Variants in CELSR1 observed in about 807,000 individuals in gnomAD.
CELSR1 encodes the protein adhesion G protein-coupled receptor C1.
A neutral mutation model predicts 249.1 loss-of-function variants in CELSR1; 110 were observed. That is an observed-to-expected ratio of 0.44 (90% CI 0.38 to 0.52). The LOEUF (loss-of-function observed/expected upper bound fraction) is 0.52. CELSR1 is among the 20% of genes least tolerant of loss of function. CELSR1 has a pLI of 0.00. For synonymous variants in CELSR1, 2,113 were observed against 1,900.0 expected, an observed-to-expected ratio of 1.11 and a Z score of -2.92; for missense variants, 4,109 against 4,296.4, an observed-to-expected ratio of 0.96 and a Z score of 1.22.
intron 1 of CELSR1, among the ~76,000 whole-genome samples, chr22:46,476,711 T>C (rs1347729616): frequency 4.6e-5 from 7 of 151,912 alleles, no homozygotes; most frequent in Non-Finnish European, 2.9e-5. Context: ...CATGATTTCA[T>C]TGATATGAAA....
chr22:46,367,214 A>G lies in CELSR1; in HGVS notation c.8080-96T>C, dbSNP rs531917058. 1.8e-5 allele frequency: 27 copies of G among 1,465,866 alleles called. No homozygotes were observed. The African/African-American group carries it at 3.5e-4, about 19-fold the overall frequency. 90.8% of individuals were successfully genotyped at this position (1,465,866 alleles called of 1,614,324 possible). ...CAGATGCGCATACAGCCTTGAGTGC[A>G]CACAACATGTCCGGCCACACGGCCC... On this transcript the variant is annotated intron_variant, in intron 28 of 34. Transcript: ENST00000674500.
In CELSR1 at chr22:46,369,821, G is replaced by A. The variant is rs2078831139; in HGVS notation, c.7760-17C>T. ...CCGCCAGTCCTGAACACAGCGGGGA[G>A]GAAGGGAAGGGTGAGGGCCACGTGC... On this transcript the variant is annotated splice_polypyrimidine_tract_variant and intron_variant, in intron 25 of 34. Transcript: ENST00000674500. 1.2e-6 allele frequency: 2 copies of A among 1,609,596 alleles called. No individual in the cohort carries two copies. The highest frequency in any genetic ancestry group is 1.7e-6 in the Non-Finnish European group (2 of 1,177,386).
In CELSR1 at chr22:46,536,851, GC is replaced by G; in HGVS notation, c.319del (p.Ala107ArgfsTer137). 8.1e-7 allele frequency: 1 copy of G among 1,232,002 alleles called. No homozygotes were observed. The highest frequency in any genetic ancestry group is 1.0e-6 in the Non-Finnish European group (1 of 983,184). 76.3% of individuals were successfully genotyped at this position (1,232,002 alleles called of 1,614,324 possible). A position where few individuals can be genotyped will look rare whatever the true frequency, so the allele number is the denominator to read the frequency against. On this transcript the variant is annotated frameshift_variant, in exon 1 of 35. Coordinates refer to ENST00000674500, the MANE Select transcript of CELSR1 (RefSeq NM_001378328.1). LOFTEE classifies it high-confidence loss of function. ...APTALSRRLRARTHLPGCGAR... is the reference protein window; with the variant it reads ...APTALSRRLRXRTHLPGCGAR... ...TCCGCAGCCGGGAAGGTGCGTGCGC[GC>G]CCGCAGGCGGCGGCTCAGCGCCGTC... is the stretch of plus-strand genomic sequence containing the variant.
chr22:46,471,059 A>T lies in CELSR1; in HGVS notation c.3545-6714T>A, dbSNP rs1426960966. ...AGAATCGCTTGAACCTGGGAGTCGG[A>T]GGTTGCAGTGAGCCAAGATGGCACC... is the stretch of plus-strand genomic sequence containing the variant. On this transcript the variant is annotated intron_variant, in intron 1 of 34. Coordinates refer to ENST00000674500, the MANE Select transcript of CELSR1 (RefSeq NM_001378328.1). The surrounding 1 kb of genome is among the most constrained non-coding windows in gnomAD (Gnocchi z 4.9). Among the ~76,000 whole-genome samples, 2 of 152,056 alleles carry T rather than the reference A, an allele frequency of 1.3e-5. No individual in the cohort carries two copies. Among genetic ancestry groups the T allele is most frequent in the Non-Finnish European group, 1.5e-5 (1 of 68,016 alleles).
chr22:46,369,733 G>C lies in CELSR1; in HGVS notation c.7831C>G (p.Leu2611Val). The C allele has an allele frequency of 6.2e-7, 1 of 1,613,462 alleles. No homozygotes were observed. The change falls in exon 26 of 35, where the codon CTG (leucine) becomes GTG (valine). Residue 2611 changes from leucine (L) to valine (V), a missense_variant. Around this residue, in one of 7 missense-constraint regions of CELSR1, gnomAD observed 1,805 missense variants for 1,831.6 expected, o/e 0.99. Coordinates refer to ENST00000674500, the MANE Select transcript of CELSR1 (RefSeq NM_001378328.1). Reference protein sequence around the residue: ...DFCWLSLQDTLIWSFAGPIGA... With the variant: ...DFCWLSLQDTVIWSFAGPIGA... ...ATGGGCCCCGCAAAGCTCCAAATCA[G>C]GGTGTCTTGAAGCGACAGCCAGCAG...
rs1295716402 is a variant in CELSR1, at chr22:46,410,804, A to T, written c.4770-243T>A. Among the ~76,000 whole-genome samples the T allele has an allele frequency of 1.3e-5, 2 of 152,044 alleles. No individual in the cohort carries two copies. Among genetic ancestry groups the T allele is most frequent in the Admixed American group, 6.5e-5 (1 of 15,270 alleles). On this transcript the variant is annotated intron_variant, in intron 6 of 34. Coordinates refer to ENST00000674500, the MANE Select transcript of CELSR1 (RefSeq NM_001378328.1). This position sits in a 1 kb window ranked among gnomAD's most constrained non-coding sequence, Gnocchi z 6.8. ...TGTTTCACGCTCACCAGTGACCACC[A>T]AGCCCCGCCCACCCAGGCTGGTCCA...
In CELSR1 at chr22:46,484,993, A is replaced by C. The variant is rs1195091503; in HGVS notation, c.3545-20648T>G. On this transcript the variant is annotated intron_variant, in intron 1 of 34. Coordinates refer to ENST00000674500, the MANE Select transcript of CELSR1 (RefSeq NM_001378328.1). The surrounding 1 kb of genome is among the most constrained non-coding windows in gnomAD (Gnocchi z 4.5). Reference sequence around the variant, plus strand: ...ATTTGCTGAGAAAATTCCAGTCCTAAATTTCAAGAGACTGATTCAGCATGA... The same window carrying C: ...ATTTGCTGAGAAAATTCCAGTCCTACATTTCAAGAGACTGATTCAGCATGA... Among the ~76,000 whole-genome samples, 1 of 151,916 alleles carries C rather than the reference A, an allele frequency of 6.6e-6. No individual in the cohort carries two copies. Among genetic ancestry groups the C allele is most frequent in the Non-Finnish European group, 1.5e-5 (1 of 68,020 alleles).
intron 2 of CELSR1, among the ~76,000 whole-genome samples, chr22:46,461,922 A>G (rs538272876): frequency 1.6e-4 from 24 of 152,324 alleles, no homozygotes; most frequent in Admixed American, 1.6e-3. Context: ...GAGGCAGAGC[A>G]GCCCACTCAA....
rs980656398 is a variant in CELSR1, at chr22:46,429,406, G to A, written c.4611+3987C>T. Among the ~76,000 whole-genome samples, 2 of 152,276 alleles carry A rather than the reference G, an allele frequency of 1.3e-5. No homozygotes were observed. Among genetic ancestry groups the A allele is most frequent in the South Asian group, 2.1e-4 (1 of 4,830 alleles). ...AGCAACGACTGAAAATGCTCCACTC[G>A]GCCCCAAACCTCCCGGCGTGGCTGT... On this transcript the variant is annotated intron_variant, in intron 5 of 34. Transcript: ENST00000674500. This position sits in a 1 kb window ranked among gnomAD's most constrained non-coding sequence, Gnocchi z 4.1.
chr22:46,485,200 AT>A (rs1259509640), intron 1 of CELSR1, among the ~76,000 whole-genome samples: 7 of 151,988 alleles, frequency 4.6e-5, no homozygotes, highest in African/African-American at 7.3e-5. Context: ...GAGTATTTTA[AT>A]TTATTTCTTT....
At chr22:46,492,785 C>A (rs1444611211) in intron 1 of CELSR1, among the ~76,000 whole-genome samples, 1 of 151,856 alleles carries the variant, frequency 6.6e-6, no homozygotes, top group Non-Finnish European at 1.5e-5. Flanking sequence ...GTAGAGGTTG[C>A]CAACAGTGAG....
At chr22:46,497,113 A>T (rs1443183001) in intron 1 of CELSR1, among the ~76,000 whole-genome samples, 2 of 152,218 alleles carry the variant, frequency 1.3e-5, no homozygotes, top group African/African-American at 4.8e-5. Context: ...AGGAGGCAGT[A>T]AGAATTTTTC....
chr22:46,507,886 A>C (rs147820359), intron 1 of CELSR1, among the ~76,000 whole-genome samples: 1,578 of 152,090 alleles, frequency 0.01, 27 homozygotes, highest in African/African-American at 0.036. Context: ...TGGAGAAAGG[A>C]CATGGCTACC....
chr22:46,448,131 C>T lies in CELSR1; in HGVS notation c.4184-8720G>A, dbSNP rs1214331122. Among the ~76,000 whole-genome samples the T allele has an allele frequency of 1.3e-5, 2 of 152,226 alleles. No individual in the cohort carries two copies. Among genetic ancestry groups the T allele is most frequent in the East Asian group, 3.8e-4 (2 of 5,206 alleles). On this transcript the variant is annotated intron_variant, in intron 2 of 34. Transcript: ENST00000674500. The surrounding 1 kb of genome is among the most constrained non-coding windows in gnomAD (Gnocchi z 5.7). ...GAAAAGCCCTGGCTTCACAGGGCTT[C>T]AGCAAACGGCTTACCTGCTGCAGGC... is the stretch of plus-strand genomic sequence containing the variant.
Position 46,361,445 on chromosome 22 carries a change from G to C in CELSR1, c.*1778C>G, listed in dbSNP as rs1253548422. The C allele has an allele frequency of 2.0e-5, 3 of 146,456 alleles. No homozygotes were observed. The highest frequency in any genetic ancestry group is 8.3e-5 in the African/African-American group (3 of 36,060). The allele number at this position is 146,456 out of a possible 1,614,324, so 9.1% of individuals were successfully genotyped here. A position where few individuals can be genotyped will look rare whatever the true frequency, so the allele number is the denominator to read the frequency against. ...ATAGAACAAAAAAATTACACCTCAG[G>C]GGGCAGAATCCTGTTAAAGTCATGA... On this transcript the variant is annotated 3_prime_UTR_variant, in exon 35 of 35. Transcript: ENST00000674500.
chr22:46,437,119 C>G lies in CELSR1; in HGVS notation c.4407-830G>C, dbSNP rs923943927. Among the ~76,000 whole-genome samples the G allele has an allele frequency of 6.6e-6, 1 of 152,210 alleles. No homozygotes were observed. The highest frequency in any genetic ancestry group is 1.5e-5 in the Non-Finnish European group (1 of 68,032). ...GAAGAGGCATGAACAGACGCCTGAA[C>G]ATGAACAGGCCTGTCAGAACTTAGA... On this transcript the variant is annotated intron_variant, in intron 3 of 34. Coordinates refer to ENST00000674500, the MANE Select transcript of CELSR1 (RefSeq NM_001378328.1). This position sits in a 1 kb window ranked among gnomAD's most constrained non-coding sequence, Gnocchi z 4.9.
rs564963352 is a variant in CELSR1 at position 46,518,428 on chromosome 22, C to T, written c.3544+15199G>A. Among the ~76,000 whole-genome samples the T allele has an allele frequency of 1.2e-3, 188 of 152,312 alleles. 1 individual carries two copies. Among genetic ancestry groups the T allele is most frequent in the South Asian group, 6.2e-4 (3 of 4,824 alleles). On this transcript the variant is annotated intron_variant, in intron 1 of 34. Coordinates refer to ENST00000674500, the MANE Select transcript of CELSR1 (RefSeq NM_001378328.1). The surrounding 1 kb of genome is among the most constrained non-coding windows in gnomAD (Gnocchi z 5.2). ...CGACAAGGCAAACCGATGGTGTGCT[C>T]GGGCATTCGGGTGGACAGACTGCAG...
At position 46,364,218 on chromosome 22, in the gene CELSR1, G is replaced by C. The variant is rs199661483; in HGVS notation, c.8813C>G (p.Pro2938Arg). 7 of 1,610,954 alleles carry C rather than the reference G, an allele frequency of 4.3e-6. No homozygotes were observed. Among genetic ancestry groups the C allele is most frequent in the Non-Finnish European group, 5.9e-6 (7 of 1,179,678 alleles). The change falls in exon 34 of 35, where the codon CCG becomes CGG. Residue 2938 changes from proline (P) to arginine (R), a missense_variant. Physicochemically the swap from Pro to Arg is moderately radical, Grantham distance 103. Around this residue, in one of 7 missense-constraint regions of CELSR1, gnomAD observed 1,805 missense variants for 1,831.6 expected, o/e 0.99. Coordinates refer to ENST00000674500, the MANE Select transcript of CELSR1 (RefSeq NM_001378328.1). Reference protein sequence around the residue: ...ILKNKVTYPPPLTLTEQTLKG... With the variant: ...ILKNKVTYPPRLTLTEQTLKG... The stretch of plus-strand genomic sequence containing the variant: ...CAGCGTCTGCTCCGTCAGCGTCAGC[G>C]GCGGCGGGTAGGTGACTTTATTTTT...
At position 46,447,181 on chromosome 22, in the gene CELSR1, G is replaced by C. The variant is rs2079830643; in HGVS notation, c.4184-7770C>G. On this transcript the variant is annotated intron_variant, in intron 2 of 34. Coordinates refer to ENST00000674500, the MANE Select transcript of CELSR1 (RefSeq NM_001378328.1). The surrounding 1 kb of genome is among the most constrained non-coding windows in gnomAD (Gnocchi z 4.7). ...ACTCCCACCAAGGCTGAGTTGAAAAGAGATGTGATATGACAGATTTTTAAT... is the reference window on the plus strand; with the variant it reads ...ACTCCCACCAAGGCTGAGTTGAAAACAGATGTGATATGACAGATTTTTAAT... Among the ~76,000 whole-genome samples, 1 of 152,192 alleles carries C rather than the reference G, an allele frequency of 6.6e-6. No homozygotes were observed. Among genetic ancestry groups the C allele is most frequent in the Non-Finnish European group, 1.5e-5 (1 of 68,042 alleles).
Sources: allele counts gnomAD v4.1 joint callset (sites outside exome capture counted in the v4.1 genomes callset), GRCh38; gene constraint gnomAD v4.1.1; regional missense constraint gnomAD v4.1.1; non-coding constraint Gnocchi (gnomAD v3.1); transcripts MANE v1.5; gene names NCBI Gene and HGNC (gene_info 2026-07-23, HGNC 2026-07-21).